The following LRMDA variants were observed in gnomAD, a reference collection of about 807,000 sequenced individuals.
LRMDA encodes leucine rich melanocyte differentiation associated.
LRMDA carries 18 observed loss-of-function variants against 29.8 expected under a neutral mutation model. The observed-to-expected ratio is 0.60, with a 90% CI of 0.42 to 0.90. The LOEUF (loss-of-function observed/expected upper bound fraction) is 0.90, where lower values mean the gene tolerates loss of function less well. Ranked by LOEUF, LRMDA falls within the 40% of genes least tolerant of loss-of-function variation. The pLI is 0.00. For synonymous variants in LRMDA, 125 were observed against 109.4 expected (o/e 1.14, Z -0.89); for missense variants, 273 against 273.9 (o/e 1.00, Z 0.02).
At chr10:76,366,159 T>G (rs1476936606) in intron 6 of LRMDA, among the ~76,000 whole-genome samples, 1 of 152,238 alleles carries the variant, frequency 6.6e-6, no homozygotes, top group Admixed American at 6.5e-5. Flanking sequence ...TACTATAGTT[T>G]GAAAACAGGT....
At chr10:76,008,442 T>C (rs892976030) in intron 2 of LRMDA, among the ~76,000 whole-genome samples, 8 of 152,214 alleles carry the variant, frequency 5.3e-5, no homozygotes, top group Non-Finnish European at 1.2e-4. Context: ...CTTTCTCCAG[T>C]TGACTTTGAA....
intron 2 of LRMDA, among the ~76,000 whole-genome samples, chr10:75,940,105 T>G (rs1052853052): frequency 6.6e-6 from 1 of 152,148 alleles, no homozygotes; most frequent in Non-Finnish European, 1.5e-5. Context: ...AGATATTTAT[T>G]GAGTACCTAA....
rs1358096502 is a variant in LRMDA, at chr10:75,600,252, A to T, written c.131+161758A>T. Among the ~76,000 whole-genome samples the T allele has an allele frequency of 3.3e-5, 5 of 152,148 alleles. No homozygotes were observed. The East Asian group carries it at 9.6e-4, about 29-fold the overall frequency. ...TTTCCACAGCATTCTTTGTCTTAAC[A>T]TCCAACACCTTGCGTGTGAAGGGCA... is the stretch of plus-strand genomic sequence containing the variant. On this transcript the variant is annotated intron_variant, in intron 2 of 6. Transcript: ENST00000611255.
At chr10:76,450,347 C>T (rs1842393778) in intron 6 of LRMDA, among the ~76,000 whole-genome samples, 1 of 151,888 alleles carries the variant, frequency 6.6e-6, no homozygotes, top group Non-Finnish European at 1.5e-5. Context: ...GCTCTCATTC[C>T]TCTTTTCATT....
chr10:76,369,562 A>G (rs1841429375), intron 6 of LRMDA, among the ~76,000 whole-genome samples: 1 of 152,108 alleles, frequency 6.6e-6, no homozygotes, highest in Admixed American at 6.5e-5. Context: ...TTCATCTTAA[A>G]TTTGGATAAC....
At chr10:75,800,649 ACT>A (rs1843732157) in intron 2 of LRMDA, among the ~76,000 whole-genome samples, 1 of 150,310 alleles carries the variant, frequency 6.7e-6, no homozygotes, top group South Asian at 2.1e-4. Context: ...CCCTATTATG[ACT>A]CTCTTTCCTT....
At chr10:75,524,777 C>A (rs2132039240) in intron 2 of LRMDA, among the ~76,000 whole-genome samples, 1 of 152,048 alleles carries the variant, frequency 6.6e-6, no homozygotes, top group Non-Finnish European at 1.5e-5. Flanking sequence ...TTTGGTCTTT[C>A]TTTTGTTAAT....
At chr10:76,195,041 CA>C (rs1437903549) in intron 5 of LRMDA, among the ~76,000 whole-genome samples, 1 of 152,196 alleles carries the variant, frequency 6.6e-6, no homozygotes, top group Admixed American at 6.5e-5. Flanking sequence ...TTCATTTTTA[CA>C]GGCCTCCTAA....
intron 2 of LRMDA, among the ~76,000 whole-genome samples, chr10:75,587,211 A>G (rs1383252003): frequency 2.0e-5 from 3 of 152,330 alleles, no homozygotes; most frequent in East Asian, 1.9e-4. Context: ...TTTGGATTCC[A>G]TCAATATAGA....
chr10:75,891,115 A>G (rs2395333), intron 2 of LRMDA, among the ~76,000 whole-genome samples: 34,004 of 151,358 alleles, frequency 0.22, 4,129 homozygotes, highest in Middle Eastern at 0.45. Flanking sequence ...ACAAAAAAAA[A>G]AAAGAAAGAA....
intron 5 of LRMDA, among the ~76,000 whole-genome samples, chr10:76,095,118 C>T (rs919362485): frequency 6.6e-6 from 1 of 152,098 alleles, no homozygotes; most frequent in African/African-American, 2.4e-5. Flanking sequence ...AAATTACCTC[C>T]TGTACCTTAG....
chr10:75,731,236 A>G lies in LRMDA; in HGVS notation c.131+292742A>G, dbSNP rs115319377. ...ATACCAGGTTGTGTTTTGAAACTTC[A>G]CAACTTTCTGATATGGTAACTTCAA... On this transcript the variant is annotated intron_variant, in intron 2 of 6. Coordinates refer to ENST00000611255, the MANE Select transcript of LRMDA (RefSeq NM_001305581.2). Among the ~76,000 whole-genome samples the G allele has an allele frequency of 6.5e-3, 984 of 152,342 alleles. 15 individuals are homozygous for G. The highest frequency in any genetic ancestry group is 0.022 in the African/African-American group (933 of 41,578).
At chr10:76,180,277 CTTTTT>C (rs34563574) in intron 5 of LRMDA, among the ~76,000 whole-genome samples, 3 of 89,862 alleles carry the variant, frequency 3.3e-5, no homozygotes, top group African/African-American at 9.4e-5. Context: ...TTGGAAAAAA[CTTTTT>C]TTTTTTTTTT....
chr10:76,365,803 G>A (rs1025345425), intron 6 of LRMDA, among the ~76,000 whole-genome samples: 1 of 152,140 alleles, frequency 6.6e-6, no homozygotes, highest in African/African-American at 2.4e-5. Context: ...TGGGTTCTTG[G>A]TCATAAAATC....
intron 2 of LRMDA, among the ~76,000 whole-genome samples, chr10:75,686,177 G>A (rs932361209): frequency 6.6e-6 from 1 of 152,166 alleles, no homozygotes; most frequent in Non-Finnish European, 1.5e-5. Context: ...GAGGGCCACT[G>A]GGGATGGAGG....
At chr10:75,732,485 T>C (rs1335903912) in intron 2 of LRMDA, among the ~76,000 whole-genome samples, 1 of 152,240 alleles carries the variant, frequency 6.6e-6, no homozygotes, top group Non-Finnish European at 1.5e-5. Flanking sequence ...AGATATACTT[T>C]TGTTAATGAA....
At chr10:76,093,965 C>T (rs1345081366) in intron 5 of LRMDA, among the ~76,000 whole-genome samples, 2 of 152,196 alleles carry the variant, frequency 1.3e-5, no homozygotes, top group Non-Finnish European at 2.9e-5. Context: ...ACCACGCTAT[C>T]CGCCAAAATG....
intron 5 of LRMDA, among the ~76,000 whole-genome samples, chr10:76,197,561 G>A (rs1288831572): frequency 2.6e-5 from 4 of 152,134 alleles, no homozygotes; most frequent in African/African-American, 9.7e-5. Flanking sequence ...AGAAGCCGTG[G>A]ATATGGCTAA....
intron 5 of LRMDA, among the ~76,000 whole-genome samples, chr10:76,277,867 C>G (rs1200760738): frequency 6.6e-6 from 1 of 152,186 alleles, no homozygotes; most frequent in East Asian, 1.9e-4. Context: ...ACTTAATTCT[C>G]TCATCTGACA....
Sources: gnomAD v4.1 joint callset for allele counts (sites outside exome capture counted in the v4.1 genomes callset) on GRCh38, gnomAD v4.1.1 for gene constraint, MANE v1.5 for transcripts, NCBI Gene and HGNC (gene_info 2026-07-23, HGNC 2026-07-21) for gene names.